The following RBMS3 variants were observed in gnomAD, a reference collection of about 807,000 sequenced individuals.
The protein encoded by RBMS3 is RNA binding motif single stranded interacting protein 3.
In RBMS3, 27 loss-of-function variants were observed where a neutral mutation model predicts 66.8. That is an observed-to-expected ratio of 0.40 (90% CI 0.30 to 0.56). RBMS3 has a LOEUF of 0.56. Ranked by LOEUF, RBMS3 falls within the 20% of genes least tolerant of loss-of-function variation. RBMS3 has a pLI of 0.40. For synonymous variants in RBMS3, 188 were observed against 183.0 expected (o/e 1.03, Z -0.22); for missense variants, 513 against 549.5 (o/e 0.93, Z 0.66).
intron 1 of RBMS3, among the ~76,000 whole-genome samples, chr3:29,319,775 A>G (rs536645674): frequency 6.6e-6 from 1 of 152,082 alleles, no homozygotes; most frequent in Non-Finnish European, 1.5e-5. Flanking sequence ...TCTAAGTCCA[A>G]AGTACTTAGA....
In RBMS3 at chr3:29,767,693, AT is replaced by A. The variant is rs558757553; in HGVS notation, c.637+4710del. ...AGCAAGGAAAAATATTTACAAAATG[AT>A]TTTTTAAATGATGAACACAAATGTT... On this transcript the variant is annotated intron_variant, in intron 6 of 14. Transcript: ENST00000383767. Among the ~76,000 whole-genome samples the A allele has an allele frequency of 4.1e-3, 617 of 152,132 alleles. 4 individuals carry two copies. The highest frequency in any genetic ancestry group is 0.014 in the African/African-American group (572 of 41,560).
intron 1 of RBMS3, among the ~76,000 whole-genome samples, chr3:29,285,362 C>G (rs191173350): frequency 2.0e-3 from 297 of 151,854 alleles, no homozygotes; most frequent in African/African-American, 6.9e-3. Flanking sequence ...TGATTTTTTT[C>G]CAGCCGAGAA....
intron 3 of RBMS3, among the ~76,000 whole-genome samples, chr3:29,491,479 T>C (rs2043541468): frequency 6.6e-6 from 1 of 152,210 alleles, no homozygotes; most frequent in Admixed American, 6.5e-5. Flanking sequence ...TAATATAATC[T>C]TACAAATACA....
intron 3 of RBMS3, among the ~76,000 whole-genome samples, chr3:29,517,269 A>ATGTG (rs1338597930): frequency 2.5e-5 from 3 of 120,482 alleles, no homozygotes; most frequent in Non-Finnish European, 5.2e-5. Context: ...GTGATTTCAT[A>ATGTG]TATGTGTGTG....
At chr3:29,762,408 T>G (rs1186157717) in intron 5 of RBMS3, among the ~76,000 whole-genome samples, 3 of 152,170 alleles carry the variant, frequency 2.0e-5, no homozygotes, top group Non-Finnish European at 4.4e-5. Flanking sequence ...ACCTCTTTTG[T>G]GAAATCCATC....
At chr3:29,499,059 T>C (rs780534717) in intron 3 of RBMS3, among the ~76,000 whole-genome samples, 6 of 152,184 alleles carry the variant, frequency 3.9e-5, no homozygotes, top group Non-Finnish European at 8.8e-5. Context: ...TGACAGGTGA[T>C]GGAATTCATT....
chr3:29,833,346 T>A (rs971729993), intron 6 of RBMS3, among the ~76,000 whole-genome samples: 1 of 152,180 alleles, frequency 6.6e-6, no homozygotes, highest in African/African-American at 2.4e-5. Context: ...ATAAATTGCC[T>A]GGCAAATTGC....
At chr3:29,854,009 T>C (rs1159637288) in intron 6 of RBMS3, among the ~76,000 whole-genome samples, 2 of 152,132 alleles carry the variant, frequency 1.3e-5, no homozygotes, top group Admixed American at 6.5e-5. Context: ...CCAGAGACCA[T>C]ACTGTTTTGT....
chr3:29,764,426 C>G (rs939823232), intron 6 of RBMS3, among the ~76,000 whole-genome samples: 2 of 151,648 alleles, frequency 1.3e-5, no homozygotes, highest in African/African-American at 4.8e-5. Flanking sequence ...ACACTTTACT[C>G]AAATCCGTCA....
chr3:29,622,459 T>G (rs2048900713), intron 4 of RBMS3, among the ~76,000 whole-genome samples: 1 of 152,206 alleles, frequency 6.6e-6, no homozygotes, highest in African/African-American at 2.4e-5. Context: ...AAATATAGTT[T>G]ATAAAATAAA....
intron 10 of RBMS3, among the ~76,000 whole-genome samples, chr3:29,918,094 T>C (rs1188746890): frequency 1.3e-5 from 2 of 152,144 alleles, no homozygotes; most frequent in Non-Finnish European, 2.9e-5. Context: ...GTGGCAGAGC[T>C]GGGACAGGTA....
intron 4 of RBMS3, among the ~76,000 whole-genome samples, chr3:29,700,446 C>T (rs1189558550): frequency 1.3e-5 from 2 of 152,162 alleles, no homozygotes; most frequent in Non-Finnish European, 2.9e-5. Flanking sequence ...ATCTTTCCTA[C>T]ATCTCTTGTA....
intron 2 of RBMS3, among the ~76,000 whole-genome samples, chr3:29,469,444 T>C (rs1445471959): frequency 6.6e-6 from 1 of 151,990 alleles, no homozygotes; most frequent in African/African-American, 2.4e-5. Flanking sequence ...GGGAAGGTGT[T>C]TGGATAAACC....
At chr3:29,679,020 T>C (rs2051373039) in intron 4 of RBMS3, among the ~76,000 whole-genome samples, 1 of 152,126 alleles carries the variant, frequency 6.6e-6, no homozygotes, top group African/African-American at 2.4e-5. Context: ...TCAAAATGGT[T>C]TGAGCAAGCA....
chr3:29,884,264 T>A (rs1319908148), intron 8 of RBMS3, 56 bp downstream of exon 8: 6 of 1,473,470 alleles, frequency 4.1e-6, no homozygotes, highest in Non-Finnish European at 5.6e-6. Context: ...GAGCTCTGAA[T>A]CAACATCAAA....
chr3:29,878,523 G>T (rs1482052181), intron 7 of RBMS3, among the ~76,000 whole-genome samples: 2 of 151,898 alleles, frequency 1.3e-5, no homozygotes, highest in Non-Finnish European at 2.9e-5. Flanking sequence ...TGACCCTTCT[G>T]GTTGTAGCAA....
At chr3:29,314,217 T>G (rs971859993) in intron 1 of RBMS3, among the ~76,000 whole-genome samples, 1 of 151,792 alleles carries the variant, frequency 6.6e-6, no homozygotes, top group African/African-American at 2.4e-5. Flanking sequence ...CCTACAAGTT[T>G]AGATGTAATG....
intron 1 of RBMS3, among the ~76,000 whole-genome samples, chr3:29,373,682 G>A (rs73064313): frequency 0.2 from 29,892 of 152,164 alleles, 3,667 homozygotes; most frequent in Middle Eastern, 0.3. Flanking sequence ...AGCCTTGAGG[G>A]ATCCCTTTGG....
intron 3 of RBMS3, among the ~76,000 whole-genome samples, chr3:29,556,827 A>G (rs1012132865): frequency 1.3e-5 from 2 of 152,148 alleles, no homozygotes; most frequent in African/African-American, 4.8e-5. Flanking sequence ...AAGAGCCTCT[A>G]GAAGTCCAAG....
Sources: allele counts gnomAD v4.1 joint callset (sites outside exome capture counted in the v4.1 genomes callset), GRCh38; gene constraint gnomAD v4.1.1; transcripts MANE v1.5; gene names NCBI Gene and HGNC (gene_info 2026-07-23, HGNC 2026-07-21).